The following NXPH1 variants were observed in gnomAD, a reference collection of about 807,000 sequenced individuals.
NXPH1 encodes the protein neurexophilin-1.
A neutral mutation model predicts 23.7 loss-of-function variants in NXPH1; 5 were observed. That is an observed-to-expected ratio of 0.21 (90% CI 0.11 to 0.44). NXPH1 has a LOEUF of 0.44. NXPH1 is among the 20% of genes least tolerant of loss of function. The pLI, the probability that NXPH1 is intolerant of heterozygous loss-of-function variation, is 0.99. For missense variants in NXPH1, 324 were observed against 321.6 expected (o/e 1.01, Z -0.06); for synonymous variants, 144 against 122.2 (o/e 1.18, Z -1.18).
chr7:8,481,089 T>C (rs1817065531), intron 2 of NXPH1, among the ~76,000 whole-genome samples: 1 of 152,156 alleles, frequency 6.6e-6, no homozygotes, highest in Non-Finnish European at 1.5e-5. Context: ...AGCAGCCTCT[T>C]TTGTGGATGT....
At chr7:8,610,170 A>G (rs1819585711) in intron 2 of NXPH1, among the ~76,000 whole-genome samples, 1 of 152,138 alleles carries the variant, frequency 6.6e-6, no homozygotes, top group South Asian at 2.1e-4. Flanking sequence ...CATTAGAGAT[A>G]TGATTCCAAT....
intron 2 of NXPH1, among the ~76,000 whole-genome samples, chr7:8,504,240 T>C (rs776855557): frequency 7.2e-5 from 11 of 152,078 alleles, no homozygotes; most frequent in Non-Finnish European, 4.4e-5. Context: ...AGGATAGCAG[T>C]ACTATTCTCA....
At chr7:8,637,413 TG>T (rs1237186826) in intron 2 of NXPH1, among the ~76,000 whole-genome samples, 1 of 152,030 alleles carries the variant, frequency 6.6e-6, no homozygotes, top group African/African-American at 2.4e-5. Flanking sequence ...TTTTTAGAGA[TG>T]GGGTTTCAGT....
intron 2 of NXPH1, among the ~76,000 whole-genome samples, chr7:8,620,519 C>T (rs932921261): frequency 2.0e-5 from 3 of 152,158 alleles, no homozygotes; most frequent in Non-Finnish European, 4.4e-5. Context: ...AAGAATATTG[C>T]TACTGTTCTG....
intron 2 of NXPH1, among the ~76,000 whole-genome samples, chr7:8,478,510 AG>A (rs1257876329): frequency 6.6e-6 from 1 of 152,084 alleles, no homozygotes; most frequent in Non-Finnish European, 1.5e-5. Flanking sequence ...GAAGAAGTAA[AG>A]TTTTTGTAAA....
intron 2 of NXPH1, among the ~76,000 whole-genome samples, chr7:8,673,278 T>C (rs1281867928): frequency 6.6e-6 from 1 of 152,154 alleles, no homozygotes; most frequent in Non-Finnish European, 1.5e-5. Flanking sequence ...AAGCAGGCAT[T>C]ATTAACATAA....
At chr7:8,700,843 G>A (rs1298504551) in intron 2 of NXPH1, among the ~76,000 whole-genome samples, 1 of 151,950 alleles carries the variant, frequency 6.6e-6, no homozygotes, top group African/African-American at 2.4e-5. Context: ...GATGGTCTCT[G>A]GGCTCAATCT....
At chr7:8,545,812 T>A (rs139639850) in intron 2 of NXPH1, among the ~76,000 whole-genome samples, 417 of 151,622 alleles carry the variant, frequency 2.8e-3, no homozygotes, top group African/African-American at 9.4e-3. Context: ...CCATGGCAAC[T>A]AAGCACTGTC....
intron 2 of NXPH1, among the ~76,000 whole-genome samples, chr7:8,503,379 T>C (rs574478996): frequency 3.1e-4 from 47 of 152,090 alleles, no homozygotes; most frequent in Non-Finnish European, 6.0e-4. Context: ...GTGCGGCCTC[T>C]TTGTCTCCTT....
intron 2 of NXPH1, among the ~76,000 whole-genome samples, chr7:8,530,819 T>C (rs1817939628): frequency 6.6e-6 from 1 of 152,218 alleles, no homozygotes; most frequent in African/African-American, 2.4e-5. Context: ...CCTGGGCTGA[T>C]TGAACTCTGT....
intron 2 of NXPH1, among the ~76,000 whole-genome samples, chr7:8,489,367 C>A (rs1334930240): frequency 6.6e-6 from 1 of 151,956 alleles, no homozygotes; most frequent in East Asian, 1.9e-4. Flanking sequence ...TGGTATAATA[C>A]AGGGGATCAA....
intron 2 of NXPH1, among the ~76,000 whole-genome samples, chr7:8,615,741 T>G (rs1031902094): frequency 6.6e-6 from 1 of 152,190 alleles, no homozygotes; most frequent in Non-Finnish European, 1.5e-5. Flanking sequence ...GAATCATATT[T>G]TGAAGAAGGT....
intron 2 of NXPH1, among the ~76,000 whole-genome samples, chr7:8,553,582 A>G (rs553822221): frequency 6.6e-6 from 1 of 151,694 alleles, no homozygotes; most frequent in African/African-American, 2.4e-5. Flanking sequence ...AAAGGAATGG[A>G]GGGACTGTCC....
At chr7:8,713,396 T>C (rs1779825944) in intron 2 of NXPH1, among the ~76,000 whole-genome samples, 1 of 152,232 alleles carries the variant, frequency 6.6e-6, no homozygotes, top group Non-Finnish European at 1.5e-5. Context: ...AAAAACTCTT[T>C]TGAATTCTCT....
intron 2 of NXPH1, among the ~76,000 whole-genome samples, chr7:8,706,260 A>G (rs1363313521): frequency 6.6e-6 from 1 of 152,202 alleles, no homozygotes; most frequent in Non-Finnish European, 1.5e-5. Context: ...TGCCATCATA[A>G]ACTATTTGAT....
intron 2 of NXPH1, among the ~76,000 whole-genome samples, chr7:8,541,568 G>A (rs1178912197): frequency 6.6e-6 from 1 of 151,394 alleles, no homozygotes; most frequent in African/African-American, 2.4e-5. Flanking sequence ...ATATAAAGAG[G>A]GAAGGGCATT....
At chr7:8,627,828 C>G (rs1283090090) in intron 2 of NXPH1, among the ~76,000 whole-genome samples, 2 of 151,942 alleles carry the variant, frequency 1.3e-5, no homozygotes, top group Admixed American at 1.3e-4. Context: ...CAGATTTCAT[C>G]CATAAAAGAA....
At chr7:8,532,797 T>A (rs1292962889) in intron 2 of NXPH1, among the ~76,000 whole-genome samples, 1 of 152,124 alleles carries the variant, frequency 6.6e-6, no homozygotes, top group East Asian at 1.9e-4. Context: ...AATTACATAT[T>A]TTTATACCTC....
chr7:8,490,320 A>G (rs1240865700), intron 2 of NXPH1, among the ~76,000 whole-genome samples: 1 of 152,064 alleles, frequency 6.6e-6, no homozygotes, highest in Admixed American at 6.6e-5. Flanking sequence ...AAATTACTAG[A>G]CTAACTTAAA....
Sources: allele counts gnomAD v4.1 joint callset (sites outside exome capture counted in the v4.1 genomes callset), GRCh38; gene constraint gnomAD v4.1.1; transcripts MANE v1.5; gene names NCBI Gene and HGNC (gene_info 2026-07-23, HGNC 2026-07-21).